The following CASK variants were observed in gnomAD, a reference collection of about 807,000 sequenced individuals.
CASK encodes the protein calcium/calmodulin dependent serine protein kinase, also known as peripheral plasma membrane protein CASK.
CASK carries 4 observed loss-of-function variants against 82.9 expected under a neutral mutation model. The observed-to-expected ratio is 0.05, with a 90% confidence interval of 0.02 to 0.11. The LOEUF is 0.11. Among genes scored for constraint, CASK ranks in the 10% least tolerant of loss-of-function variants. The pLI, the probability that CASK is intolerant of heterozygous loss-of-function variation, is 1.00. For synonymous variants in CASK, 259 were observed against 253.5 expected (o/e 1.02, Z -0.20); for missense variants, 358 against 720.9 (o/e 0.50, Z 5.76).
chrX:41,836,733 C>T (rs1156377111), intron 2 of CASK, among the ~76,000 whole-genome samples: 1 of 111,132 alleles, frequency 9.0e-6, no homozygotes, highest in African/African-American at 3.3e-5. Context: ...AAGTATAAGC[C>T]TTAATATCTT....
chrX:41,840,922 T>C (rs1266578984), intron 2 of CASK, among the ~76,000 whole-genome samples: 2 of 112,518 alleles, frequency 1.8e-5, no homozygotes, highest in Non-Finnish European at 3.8e-5. Flanking sequence ...TATGTAATAT[T>C]CGTTTTGTTT....
intron 11 of CASK, among the ~76,000 whole-genome samples, chrX:41,620,144 CTT>C (rs946984891): frequency 2.7e-5 from 3 of 111,586 alleles, no homozygotes; most frequent in Non-Finnish European, 5.6e-5. Flanking sequence ...ATAGTACAAA[CTT>C]TATTCATAAA....
intron 10 of CASK, 125 bp downstream of exon 10, chrX:41,626,479 C>CAA: frequency 1.9e-6 from 1 of 526,975 alleles, no homozygotes; most frequent in South Asian, 2.5e-5. Context: ...TGGTTGCTGA[C>CAA]AAACTTCCTT....
intron 3 of CASK, among the ~76,000 whole-genome samples, chrX:41,782,899 C>A (rs1454019159): frequency 4.5e-5 from 5 of 111,975 alleles, no homozygotes; most frequent in African/African-American, 1.6e-4. Context: ...AATTCCAGAA[C>A]TTTGGGAGGC....
intron 22 of CASK, among the ~76,000 whole-genome samples, chrX:41,540,030 C>A (rs1164499029): frequency 8.9e-6 from 1 of 112,102 alleles, no homozygotes; most frequent in Admixed American, 9.5e-5. Flanking sequence ...TACAAAGACA[C>A]TTAAGGGGCT....
intron 2 of CASK, among the ~76,000 whole-genome samples, chrX:41,831,233 G>A (rs2070804431): frequency 9.0e-6 from 1 of 111,383 alleles, no homozygotes; most frequent in Admixed American, 9.5e-5. Context: ...AGGATATAAA[G>A]GGTGAGGGCT....
At chrX:41,821,679 A>T (rs907495686) in intron 2 of CASK, among the ~76,000 whole-genome samples, 2 of 112,612 alleles carry the variant, frequency 1.8e-5, no homozygotes, top group Non-Finnish European at 3.7e-5. Context: ...ACTTTGCTAT[A>T]TGCATGAAAT....
rs1064796207 is a variant in CASK, at chrX:41,586,948, C to T, written c.1273G>A (p.Ala425Thr). 6.8e-6 allele frequency: 8 copies of T among 1,179,664 alleles called. No homozygotes were observed. The highest frequency in any genetic ancestry group is 1.8e-5 in the South Asian group (1 of 55,828). The change falls in exon 14 of 27, where the codon GCA (alanine) becomes ACA (threonine). Residue 425 changes from alanine to threonine, a missense_variant. Transcript: ENST00000378163. ...EISCYPENND[A>T]KELKRILTQP... ...GTTAAAATACGCTTTAGTTCCTTTG[C>T]GTCGTTATTCTCAGGGTAACATGAA...
Position 41,750,683 on chromosome X carries a change from A to T in CASK, c.279-5082T>A, listed in dbSNP as rs1159460873. Among the ~76,000 whole-genome samples, 6 of 112,380 alleles carry T rather than the reference A, an allele frequency of 5.3e-5. No individual in the cohort carries two copies. The East Asian group carries it at 1.6e-3, about 31-fold the overall frequency. On this transcript the variant is annotated intron_variant, in intron 3 of 26. Coordinates refer to ENST00000378163, the MANE Select transcript of CASK (RefSeq NM_001367721.1). ...TTAAAATTTATAATAAACATGCATT[A>T]TTTATATAATTAAGAAATTATCCAA...
At chrX:41,669,123 G>A (rs760938179) in intron 6 of CASK, among the ~76,000 whole-genome samples, 16 of 111,293 alleles carry the variant, frequency 1.4e-4, no homozygotes, top group Non-Finnish European at 2.6e-4. Flanking sequence ...TTTTTAAAAC[G>A]TAACATTCAG....
intron 2 of CASK, among the ~76,000 whole-genome samples, chrX:41,795,649 G>C (rs2069837648): frequency 9.0e-6 from 1 of 110,799 alleles, no homozygotes; most frequent in Middle Eastern, 4.6e-3. Flanking sequence ...CTGGGAGACA[G>C]AGTGAGATCC....
intron 1 of CASK, among the ~76,000 whole-genome samples, chrX:41,900,737 A>ATT (rs2072359661): frequency 2.5e-5 from 2 of 79,494 alleles, no homozygotes; most frequent in African/African-American, 4.7e-5. Context: ...TTATTTTGAA[A>ATT]TCTTTTTTTT....
intron 3 of CASK, among the ~76,000 whole-genome samples, chrX:41,758,261 C>T (rs1055846248): frequency 9.1e-6 from 1 of 109,608 alleles, no homozygotes; most frequent in Non-Finnish European, 1.9e-5. Context: ...GTGGTGAAAC[C>T]CCGTCTCTAC....
chrX:41,760,496 A>C, intron 3 of CASK, among the ~76,000 whole-genome samples: 2 of 111,585 alleles, frequency 1.8e-5, no homozygotes. Flanking sequence ...TTATCGAGAG[A>C]ACAGTGACAT....
In CASK at chrX:41,849,497, ACTT is replaced by A. The variant is rs936122445; in HGVS notation, c.172+3615_172+3617del. ...TTCATCCAGTTTTGATTTAGTAGAAACTTCTTATTCATCTCATGTTCATAAGCA... is the reference window on the plus strand; with the variant it reads ...TTCATCCAGTTTTGATTTAGTAGAAACTTATTCATCTCATGTTCATAAGCA... On this transcript the variant is annotated intron_variant, in intron 2 of 26. Coordinates refer to ENST00000378163, the MANE Select transcript of CASK (RefSeq NM_001367721.1). Among the ~76,000 whole-genome samples the A allele has an allele frequency of 6.3e-5, 7 of 111,905 alleles. No homozygotes were observed. The East Asian group carries it at 8.4e-4, about 13-fold the overall frequency.
chrX:41,548,498 G>A (rs926951672), intron 21 of CASK, among the ~76,000 whole-genome samples: 1 of 111,361 alleles, frequency 9.0e-6, no homozygotes, highest in Non-Finnish European at 1.9e-5. Flanking sequence ...TCTCTTACTC[G>A]CTCTTGTTCA....
intron 12 of CASK, among the ~76,000 whole-genome samples, chrX:41,596,190 G>A (rs1273045694): frequency 1.2e-5 from 1 of 84,121 alleles, no homozygotes; most frequent in Non-Finnish European, 2.5e-5. Flanking sequence ...GTGAGACTCT[G>A]TCTCAAAAAA....
chrX:41,638,304 C>T (rs889649103), intron 8 of CASK, among the ~76,000 whole-genome samples: 1 of 111,119 alleles, frequency 9.0e-6, no homozygotes, highest in Non-Finnish European at 1.9e-5. Context: ...GTGGCTCATA[C>T]CTGTAATCCC....
At chrX:41,700,635 A>G (rs774233114) in intron 5 of CASK, among the ~76,000 whole-genome samples, 8 of 95,654 alleles carry the variant, frequency 8.4e-5, no homozygotes, top group African/African-American at 2.3e-4. Flanking sequence ...GCTGGAGTGC[A>G]GTGGTGCAAT....
Sources: allele counts gnomAD v4.1 joint callset (sites outside exome capture counted in the v4.1 genomes callset), GRCh38; gene constraint gnomAD v4.1.1; transcripts MANE v1.5; gene names NCBI Gene and HGNC (gene_info 2026-07-23, HGNC 2026-07-21).